NOX3: variants seen among roughly 807,000 people sequenced by gnomAD.
The protein encoded by NOX3 is NADPH oxidase catalytic subunit-like 3.
In NOX3, 74 loss-of-function variants were observed where a neutral mutation model predicts 76.7. The ratio of observed to expected loss-of-function variants is 0.96; its 90% CI spans 0.80 to 1.17. The LOEUF (loss-of-function observed/expected upper bound fraction) is 1.17, where lower values mean the gene tolerates loss of function less well. Among genes scored for constraint, NOX3 ranks in the 50% most tolerant of loss-of-function variants. The pLI, the probability that NOX3 is intolerant of heterozygous loss-of-function variation, is 0.00. For missense variants in NOX3, 695 were observed against 703.3 expected (o/e 0.99, Z 0.13); for synonymous variants, 263 against 261.1 (o/e 1.01, Z -0.07).
At chr6:155,401,481 T>C (rs922002105) in intron 12 of NOX3, among the ~76,000 whole-genome samples, 1 of 152,212 alleles carries the variant, frequency 6.6e-6, no homozygotes, top group Non-Finnish European at 1.5e-5. Flanking sequence ...GAATGCTAAT[T>C]TCTTAAAAAT....
At chr6:155,452,029 T>C (rs1777152217) in intron 4 of NOX3, among the ~76,000 whole-genome samples, 1 of 152,194 alleles carries the variant, frequency 6.6e-6, no homozygotes, top group South Asian at 2.1e-4. Context: ...AAAGCTATTG[T>C]ATTGTGATAA....
At chr6:155,423,803 C>T (rs1220705662) in intron 9 of NOX3, among the ~76,000 whole-genome samples, 10 of 147,170 alleles carry the variant, frequency 6.8e-5, no homozygotes, top group East Asian at 4.0e-4. Context: ...TGCAGTGATG[C>T]GATCTCCGCT....
At chr6:155,409,790 C>T (rs1331727597) in intron 11 of NOX3, among the ~76,000 whole-genome samples, 1 of 152,124 alleles carries the variant, frequency 6.6e-6, no homozygotes, top group Non-Finnish European at 1.5e-5. Flanking sequence ...TGTAAGACAT[C>T]TATTTTAATC....
At chr6:155,435,524 G>T (rs1001132418) in intron 7 of NOX3, among the ~76,000 whole-genome samples, 2 of 150,238 alleles carry the variant, frequency 1.3e-5, no homozygotes, top group African/African-American at 2.4e-5. Flanking sequence ...ATATTTGAGG[G>T]TTTTTTTTTT....
At position 155,436,536 on chromosome 6, in the gene NOX3, C is replaced by A; in HGVS notation, c.680G>T (p.Arg227Leu). ...AGAGAGACTGTCTTGGGTTTGGCCTCGAACAATCCGACTTGTTATTTAAGA... is the reference window on the plus strand; with the variant it reads ...AGAGAGACTGTCTTGGGTTTGGCCTAGAACAATCCGACTTGTTATTTAAGA... ...LAIHGTGRIV[R>L]GQTQDSLSLH... is the part of the protein sequence containing the mutation. Residue 227 changes from arginine (R) to leucine (L), a missense_variant, in exon 7 of 14, where the codon CGA becomes CTA. By Grantham distance (102) the Arg-to-Leu change is moderately radical. Transcript: ENST00000159060. 6.2e-7 allele frequency: 1 copy of A among 1,612,090 alleles called. No individual in the cohort carries two copies. The highest frequency in any genetic ancestry group is 1.1e-5 in the South Asian group (1 of 90,696).
intron 5 of NOX3, among the ~76,000 whole-genome samples, chr6:155,442,021 T>G (rs1218210296): frequency 6.6e-6 from 1 of 152,122 alleles, no homozygotes; most frequent in African/African-American, 2.4e-5. Context: ...TCCCAGCACT[T>G]TGGGAGGCCG....
intron 9 of NOX3, among the ~76,000 whole-genome samples, chr6:155,428,325 T>A (rs1458990467): frequency 6.6e-6 from 1 of 152,268 alleles, no homozygotes; most frequent in East Asian, 1.9e-4. Flanking sequence ...TAAGATGAGG[T>A]CATGCTGGAG....
Position 155,401,745 on chromosome 6 carries a change from A to AT in NOX3, c.1581-4784dup, listed in dbSNP as rs1039087007. ...TTCTAACAAATGGTAGTACTCTTCT[A>AT]TTTTTTTTTCTTCAAAGTTAAAAGA... On this transcript the variant is annotated intron_variant, in intron 12 of 13. Coordinates refer to ENST00000159060, the MANE Select transcript of NOX3 (RefSeq NM_015718.3). Among the ~76,000 whole-genome samples, 418 of 144,726 alleles carry AT rather than the reference A, an allele frequency of 2.9e-3. 2 individuals carry two copies. The highest frequency in any genetic ancestry group is 0.01 in the African/African-American group (396 of 39,260). The allele number at this position is 144,726 out of a possible 152,430, so 94.9% of individuals were successfully genotyped here.
At chr6:155,422,242 T>C (rs1224606948) in intron 10 of NOX3, among the ~76,000 whole-genome samples, 1 of 152,188 alleles carries the variant, frequency 6.6e-6, no homozygotes, top group Non-Finnish European at 1.5e-5. Context: ...CAGAGCGGGA[T>C]GGCCACCCCA....
At position 155,454,925 on chromosome 6, in the gene NOX3, T is replaced by G; in HGVS notation, c.145-4A>C. 1 of 1,605,386 alleles carries G rather than the reference T, an allele frequency of 6.2e-7. No individual in the cohort carries two copies. On this transcript the variant is annotated splice_region_variant and splice_polypyrimidine_tract_variant and intron_variant, in intron 2 of 13. Coordinates refer to ENST00000159060, the MANE Select transcript of NOX3 (RefSeq NM_015718.3). ...CTCGTGCCCAAGCCAGTGTTGACTG[T>G]CCACATGTAAAGACATAAAAAAGAG...
intron 4 of NOX3, among the ~76,000 whole-genome samples, chr6:155,448,965 T>C (rs1777100082): frequency 6.6e-6 from 1 of 152,206 alleles, no homozygotes; most frequent in African/African-American, 2.4e-5. Context: ...TCGTTGACTC[T>C]GGCACCCTGT....
chr6:155,449,993 TG>T (rs1407119902), intron 4 of NOX3, among the ~76,000 whole-genome samples: 1 of 152,202 alleles, frequency 6.6e-6, no homozygotes, highest in Non-Finnish European at 1.5e-5. Context: ...TTCGTTCATG[TG>T]AAATGTAATA....
chr6:155,453,044 C>A (rs576887194), intron 4 of NOX3, among the ~76,000 whole-genome samples: 2 of 152,060 alleles, frequency 1.3e-5, no homozygotes, highest in African/African-American at 4.8e-5. Flanking sequence ...CATTTTCCTA[C>A]GACTGTGAAT....
chr6:155,423,887 C>G (rs148184177), intron 9 of NOX3, among the ~76,000 whole-genome samples: 6 of 151,946 alleles, frequency 3.9e-5, no homozygotes, highest in Non-Finnish European at 8.8e-5. Context: ...ACTGTAGGCA[C>G]GTGCCACCAC....
In NOX3 at chr6:155,428,869, C is replaced by G; in HGVS notation, c.1070G>C (p.Gly357Ala). 1.2e-6 allele frequency: 2 copies of G among 1,612,166 alleles called. No homozygotes were observed. The highest frequency in any genetic ancestry group is 1.7e-6 in the Non-Finnish European group (2 of 1,178,800). The change falls in exon 9 of 14, where the codon GGA becomes GCA. Residue 357 changes from glycine to alanine, a missense_variant. Physicochemically the swap from Gly to Ala is moderately conservative, Grantham distance 60 (BLOSUM62 0). Coordinates refer to ENST00000159060, the MANE Select transcript of NOX3 (RefSeq NM_015718.3). ...DFFSVHIRAA[G>A]DWTAALLEAF... ...CTCCAGTAGCGCTGCTGTCCAGTCTCCTGCTGCCCGGATGTGCACGCTGAA... is the reference window on the plus strand; with the variant it reads ...CTCCAGTAGCGCTGCTGTCCAGTCTGCTGCTGCCCGGATGTGCACGCTGAA...
In NOX3 at chr6:155,407,213, C is replaced by T. The variant is rs1429013682; in HGVS notation, c.1497G>A (p.Val499=). 1.2e-6 allele frequency: 2 copies of T among 1,613,768 alleles called. No individual in the cohort carries two copies. The highest frequency in any genetic ancestry group is 1.7e-5 in the Admixed American group (1 of 59,998). The change falls in exon 12 of 14, where the codon GTG becomes GTA. Residue 499 remains valine, a synonymous_variant. Coordinates refer to ENST00000159060, the MANE Select transcript of NOX3 (RefSeq NM_015718.3). ...AGGTCTTCTGCTTTAAGCCTGTAAT[C>T]ACGTCAGTATTTTCGTCCCAGTGTA... The part of the protein sequence containing the change: ...IALHWDENTD[V]ITGLKQKTFY...
At chr6:155,424,893 A>G (rs965622665) in intron 9 of NOX3, among the ~76,000 whole-genome samples, 3 of 152,238 alleles carry the variant, frequency 2.0e-5, no homozygotes, top group Non-Finnish European at 4.4e-5. Context: ...AAAGATGTCA[A>G]TTAAATCCCA....
rs539204654 is a variant in NOX3, at chr6:155,444,752, T to C, written c.341-1334A>G. Among the ~76,000 whole-genome samples the C allele has an allele frequency of 2.0e-5, 3 of 152,310 alleles. No individual in the cohort carries two copies. The South Asian group carries it at 6.2e-4, about 32-fold the overall frequency. ...TGGGTGGAAGACATGAAAAGGAACA[T>C]GTTCTGATGGATGGCAGTCGGGGTC... On this transcript the variant is annotated intron_variant, in intron 4 of 13. Transcript: ENST00000159060.
chr6:155,411,341 C>A lies in NOX3; in HGVS notation c.1328G>T (p.Cys443Phe), dbSNP rs776905357. 9.3e-6 allele frequency: 15 copies of A among 1,613,532 alleles called. No individual in the cohort carries two copies. Among genetic ancestry groups the A allele is most frequent in the Non-Finnish European group, 1.3e-5 (15 of 1,179,754 alleles). The change falls in exon 11 of 14, where the codon TGC becomes TTC. Residue 443 changes from cysteine to phenylalanine, a missense_variant. By Grantham distance (205) the Cys-to-Phe change is radical. Coordinates refer to ENST00000159060, the MANE Select transcript of NOX3 (RefSeq NM_015718.3). ...CCACTCAAAAGCTCTTGCATCCCGG[C>A]AAATCCAGTAGAAATACACCTGTCA... ...KLSKVYFYWI[C>F]RDARAFEWFA...
Sources: allele counts gnomAD v4.1 joint callset (sites outside exome capture counted in the v4.1 genomes callset), GRCh38; gene constraint gnomAD v4.1.1; transcripts MANE v1.5; gene names NCBI Gene and HGNC (gene_info 2026-07-23, HGNC 2026-07-21).